SYNE1: variants seen among roughly 807,000 people sequenced by gnomAD.
SYNE1 encodes the protein spectrin repeat containing nuclear envelope protein 1.
A neutral mutation model predicts 1,111.0 loss-of-function variants in SYNE1; 616 were observed. The ratio of observed to expected loss-of-function variants is 0.55; its 90% CI spans 0.52 to 0.59. SYNE1 has a LOEUF of 0.59. Ranked by LOEUF, SYNE1 falls within the 20% of genes least tolerant of loss-of-function variation. The pLI is 0.00. For missense variants in SYNE1, 10,006 were observed against 10,417.0 expected, an observed-to-expected ratio of 0.96 and a Z score of 1.72; for synonymous variants, 3,855 against 3,825.8, an observed-to-expected ratio of 1.01 and a Z score of -0.28.
chr6:152,483,196 G>A lies in SYNE1; in HGVS notation c.1239C>T (p.Thr413=), dbSNP rs1369117411. 5.0e-6 allele frequency: 8 copies of A among 1,614,066 alleles called. No individual in the cohort carries two copies. Among genetic ancestry groups the A allele is most frequent in the African/African-American group, 1.3e-5 (1 of 74,938 alleles). ...LDKSLPAPLG[T]IGAWLYRAEV... ...CCGCTCTGTACAGCCAGGCACCTAT[G>A]GTGCCCAGAGGTGCAGGAAGAGATT... The change falls in exon 14 of 146, where the codon ACC becomes ACT. Residue 413 remains threonine (T), a synonymous_variant. Coordinates refer to ENST00000367255, the MANE Select transcript of SYNE1 (RefSeq NM_182961.4).
At chr6:152,402,236 G>A (rs2097831710) in intron 46 of SYNE1, among the ~76,000 whole-genome samples, 1 of 152,040 alleles carries the variant, frequency 6.6e-6, no homozygotes, top group African/African-American at 2.4e-5. Context: ...GTGTTTTTCT[G>A]ACTTTTTTCA....
rs765496731 is a variant in SYNE1 at position 152,427,832 on chromosome 6, A to G, written c.4977-16T>C. The G allele has an allele frequency of 1.9e-6, 3 of 1,613,960 alleles. No individual in the cohort carries two copies. The highest frequency in any genetic ancestry group is 3.3e-4 in the Middle Eastern group (2 of 6,062). Reference sequence around the variant, plus strand: ...TTTCTCTAGCCTAAAGGAAGCAGAGAGCAGAAACAAATTTATTGAAAATTA... The same window carrying G: ...TTTCTCTAGCCTAAAGGAAGCAGAGGGCAGAAACAAATTTATTGAAAATTA... On this transcript the variant is annotated splice_polypyrimidine_tract_variant and intron_variant, in intron 37 of 145. Transcript: ENST00000367255.
At chr6:152,277,852 TGCCTCCACCAC>T in intron 98 of SYNE1, 6 of 570,374 alleles carry the variant, frequency 1.1e-5, no homozygotes, top group Admixed American at 7.8e-5. Context: ...GAGTGCTTTT[TGCCTCCACCAC>T]TCCGCTGAAC....
chr6:152,514,190 G>A (rs1184927415), intron 6 of SYNE1, among the ~76,000 whole-genome samples: 7 of 152,210 alleles, frequency 4.6e-5, no homozygotes, highest in Admixed American at 3.3e-4. Flanking sequence ...TATGTTTACT[G>A]CAGCACTATT....
At chr6:152,472,108 CAG>C in intron 15 of SYNE1, 191 bp downstream of exon 15, 4 of 619,208 alleles carry the variant, frequency 6.5e-6, no homozygotes, top group Admixed American at 3.0e-5. Flanking sequence ...TGGATAAATT[CAG>C]AGTCACTCTT....
intron 95 of SYNE1, among the ~76,000 whole-genome samples, chr6:152,284,610 A>ATTTTTTTTTT (rs760978831): frequency 9.2e-6 from 1 of 108,150 alleles, no homozygotes; most frequent in Non-Finnish European, 1.9e-5. Flanking sequence ...ACACCTGGTA[A>ATTTTTTTTTT]TTTTTTTTTT....
At position 152,367,339 on chromosome 6, in the gene SYNE1, T is replaced by C; in HGVS notation, c.9851A>G (p.Gln3284Arg). ...RLDRIVAEHN[Q>R]FSLGIKELQD... The stretch of plus-strand genomic sequence containing the variant: ...TAATTCTTTAATCCCAAGAGAGAAC[T>C]GATTGTGTTCTGCAACGATTCTATC... The change falls in exon 62 of 146, where the codon CAG becomes CGG. Residue 3284 changes from glutamine to arginine, a missense_variant. Transcript: ENST00000367255. The C allele has an allele frequency of 6.2e-7, 1 of 1,614,208 alleles. No homozygotes were observed. The highest frequency in any genetic ancestry group is 8.5e-7 in the Non-Finnish European group (1 of 1,180,030).
At position 152,233,802 on chromosome 6, in the gene SYNE1, G is replaced by C. The variant is rs775882254; in HGVS notation, c.20691C>G (p.Ala6897=). The C allele has an allele frequency of 6.2e-7, 1 of 1,614,038 alleles. No homozygotes were observed. Among genetic ancestry groups the C allele is most frequent in the African/African-American group, 1.3e-5 (1 of 74,912 alleles). Residue 6897 remains alanine, a synonymous_variant, in exon 112 of 146, where the codon GCC becomes GCG. Transcript: ENST00000367255. ...QWTDLLTNIP[A]VQEKLHQLQM... ...GTACCTGGTGGAGCTTCTCCTGGAC[G>C]GCTGGGATATTGGTTAGCAGGTCAG... is the stretch of plus-strand genomic sequence containing the variant.
Position 152,539,844 on chromosome 6 carries a change from A to C in SYNE1, c.129+116T>G, listed in dbSNP as rs1282735672. The C allele has an allele frequency of 5.4e-6, 6 of 1,116,768 alleles. No individual in the cohort carries two copies. The East Asian group carries it at 7.1e-5, about 13-fold the overall frequency. The allele number at this position is 1,116,768 out of a possible 1,614,324, so 69.2% of individuals were successfully genotyped here. A position where few individuals can be genotyped will look rare whatever the true frequency, so the allele number is the denominator to read the frequency against. On this transcript the variant is annotated intron_variant, in intron 4 of 145. Transcript: ENST00000367255. Reference sequence around the variant, plus strand: ...CAGCTAGACCAACCAATAAGATTACAGTATCATTGATTCGCAACAGTGACA... The same window carrying C: ...CAGCTAGACCAACCAATAAGATTACCGTATCATTGATTCGCAACAGTGACA...
chr6:152,253,325 T>A (rs2089854982), intron 104 of SYNE1, among the ~76,000 whole-genome samples: 2 of 152,238 alleles, frequency 1.3e-5, no homozygotes, highest in African/African-American at 4.8e-5. Flanking sequence ...GTATCTCTTA[T>A]AATACTACTA....
rs536247260 is a variant in SYNE1, at chr6:152,167,841, A to G, written c.23628-3516T>C. 7.3e-5 allele frequency: 47 copies of G among 644,282 alleles called. 1 individual carries two copies. Among genetic ancestry groups the G allele is most frequent in the South Asian group, 6.2e-4 (45 of 72,576 alleles). The allele number at this position is 644,282 out of a possible 1,614,324, so 39.9% of individuals were successfully genotyped here. A position where few individuals can be genotyped will look rare whatever the true frequency, so the allele number is the denominator to read the frequency against. The stretch of plus-strand genomic sequence containing the variant: ...TCTCTACTCTAGCCATACTCCTTGT[A>G]TGACGCATACGGTCCAGAGACAACT... On this transcript the variant is annotated intron_variant, in intron 130 of 145. Coordinates refer to ENST00000367255, the MANE Select transcript of SYNE1 (RefSeq NM_182961.4).
rs756357343 is a variant in SYNE1 at position 152,413,509 on chromosome 6, C to T, written c.6073G>A (p.Glu2025Lys). 6.2e-7 allele frequency: 1 copy of T among 1,613,990 alleles called. No homozygotes were observed. The highest frequency in any genetic ancestry group is 1.3e-5 in the African/African-American group (1 of 74,922). The part of the protein sequence containing the change: ...QQRLRVFNQL[E>K]DELNSHEHEL... ...TGCTCGTGAGAATTCAATTCATCTTCTAGCTGATTAAACACTCTTAACCTG... is the reference window on the plus strand; with the variant it reads ...TGCTCGTGAGAATTCAATTCATCTTTTAGCTGATTAAACACTCTTAACCTG... Residue 2025 changes from glutamate (E) to lysine (K), a missense_variant, in exon 42 of 146, where the codon GAA (glutamate) becomes AAA (lysine). Glu to Lys is a moderately conservative substitution (Grantham distance 56, BLOSUM62 1). Coordinates refer to ENST00000367255, the MANE Select transcript of SYNE1 (RefSeq NM_182961.4).
chr6:152,565,491 A>C (rs2128255049), intron 3 of SYNE1, among the ~76,000 whole-genome samples: 1 of 152,274 alleles, frequency 6.6e-6, no homozygotes, highest in South Asian at 2.1e-4. Flanking sequence ...TTTACCCTCT[A>C]TTACGTGCTA....
Position 152,626,787 on chromosome 6 carries a change from T to C in SYNE1, c.67+1478A>G, listed in dbSNP as rs1218945962. On this transcript the variant is annotated intron_variant, in intron 3 of 145. Coordinates refer to ENST00000367255, the MANE Select transcript of SYNE1 (RefSeq NM_182961.4). ...AGCTCTCAATCAAGTTGGTGATCTC[T>C]GGACAGACGTGGAGAAACTCCTAGT... Among the ~76,000 whole-genome samples, 4 of 152,216 alleles carry C rather than the reference T, an allele frequency of 2.6e-5. No homozygotes were observed. The East Asian group carries it at 5.8e-4, about 22-fold the overall frequency.
intron 61 of SYNE1, 187 bp from the exon 62 acceptor site, chr6:152,367,569 G>T: frequency 1.5e-6 from 1 of 673,516 alleles, no homozygotes; most frequent in Non-Finnish European, 2.5e-6. Flanking sequence ...TAGAATAACT[G>T]GGTCAAAAGC....
At chr6:152,615,500 C>T (rs1271361316) in intron 3 of SYNE1, among the ~76,000 whole-genome samples, 1 of 151,820 alleles carries the variant, frequency 6.6e-6, no homozygotes, top group Non-Finnish European at 1.5e-5. Flanking sequence ...AAATAACATT[C>T]CTTCTTTGAT....
At chr6:152,403,902 AG>A (rs1028517703) in intron 46 of SYNE1, among the ~76,000 whole-genome samples, 38 of 152,224 alleles carry the variant, frequency 2.5e-4, no homozygotes, top group Admixed American at 6.5e-4. Context: ...TACTGGCTGA[AG>A]GAATGTGGAA....
intron 34 of SYNE1, among the ~76,000 whole-genome samples, chr6:152,431,931 A>G (rs1000888897): frequency 1.3e-5 from 2 of 152,166 alleles, no homozygotes; most frequent in Non-Finnish European, 2.9e-5. Flanking sequence ...AATTCAAAAA[A>G]TATAGGTTGT....
chr6:152,388,291 G>C (rs1030868718), intron 53 of SYNE1, among the ~76,000 whole-genome samples: 29 of 151,726 alleles, frequency 1.9e-4, no homozygotes, highest in Admixed American at 6.6e-5. Context: ...TGTCACCAAG[G>C]CTGTAGTGCT....
Sources: gnomAD v4.1 joint callset for allele counts (sites outside exome capture counted in the v4.1 genomes callset) on GRCh38, gnomAD v4.1.1 for gene constraint, MANE v1.5 for transcripts, NCBI Gene and HGNC (gene_info 2026-07-23, HGNC 2026-07-21) for gene names.